PABPC4L: variants seen among roughly 807,000 people sequenced by gnomAD.
The protein encoded by PABPC4L is polyadenylate-binding protein 4-like.
For missense variants in PABPC4L, 452 were observed against 451.4 expected (o/e 1.00, Z -0.01); for synonymous variants, 169 against 164.1 (o/e 1.03, Z -0.23).
At chr4:134,062,580 A>G in the PABPC4L span, among the ~76,000 whole-genome samples, 2 of 152,182 alleles carry the variant, frequency 1.3e-5, no homozygotes, top group Admixed American at 6.6e-5. Context: ...GCAGCAGAGA[A>G]ACATATCCCA....
the PABPC4L span, among the ~76,000 whole-genome samples, chr4:134,012,828 T>C: frequency 6.6e-6 from 1 of 152,144 alleles, no homozygotes; most frequent in African/African-American, 2.4e-5. Context: ...AACCTCTTTC[T>C]CCTTTCAGTC....
chr4:134,174,540 T>G, the PABPC4L span, among the ~76,000 whole-genome samples: 1 of 152,128 alleles, frequency 6.6e-6, no homozygotes, highest in Non-Finnish European at 1.5e-5. Flanking sequence ...GATAGTAATT[T>G]TTCAGCTTTA....
chr4:134,015,005 C>T, the PABPC4L span, among the ~76,000 whole-genome samples: 1 of 152,074 alleles, frequency 6.6e-6, no homozygotes, highest in Non-Finnish European at 1.5e-5. Context: ...CACCCTTCTT[C>T]CCAATCCAAA....
the PABPC4L span, among the ~76,000 whole-genome samples, chr4:134,029,826 C>G: frequency 6.6e-6 from 1 of 151,758 alleles, no homozygotes; most frequent in East Asian, 1.9e-4. Context: ...CAAATTTCAT[C>G]TTGAATTGTA....
chr4:134,119,152 G>A, the PABPC4L span, among the ~76,000 whole-genome samples: 515 of 151,638 alleles, frequency 3.4e-3, 5 homozygotes, highest in African/African-American at 0.012. Context: ...ATAACCACAT[G>A]CAAGATGTTA....
chr4:134,153,817 T>A, the PABPC4L span, among the ~76,000 whole-genome samples: 5 of 145,886 alleles, frequency 3.4e-5, no homozygotes, highest in African/African-American at 1.0e-4. Flanking sequence ...CTAGTTTTTT[T>A]TTTTTTTTTT....
At chr4:133,992,895 G>T in the PABPC4L span, among the ~76,000 whole-genome samples, 24 of 152,086 alleles carry the variant, frequency 1.6e-4, no homozygotes, top group African/African-American at 5.6e-4. Context: ...AAGCCACATT[G>T]TCTGGGACTG....
the PABPC4L span, among the ~76,000 whole-genome samples, chr4:134,189,596 A>T: frequency 6.6e-6 from 1 of 152,026 alleles, no homozygotes; most frequent in East Asian, 1.9e-4. Flanking sequence ...CTTTTTACAC[A>T]CACATGGTAA....
the PABPC4L span, among the ~76,000 whole-genome samples, chr4:134,126,418 A>G: frequency 6.6e-6 from 1 of 152,110 alleles, no homozygotes; most frequent in Non-Finnish European, 1.5e-5. Flanking sequence ...ATGACTTATC[A>G]GAGTCTCCAG....
the PABPC4L span, among the ~76,000 whole-genome samples, chr4:134,037,787 C>T: frequency 2.0e-5 from 3 of 152,074 alleles, no homozygotes; most frequent in Non-Finnish European, 4.4e-5. Flanking sequence ...ATTTGACTTC[C>T]TCTTTTCCTA....
chr4:134,165,807 G>T, the PABPC4L span, among the ~76,000 whole-genome samples: 1 of 152,056 alleles, frequency 6.6e-6, no homozygotes, highest in African/African-American at 2.4e-5. Flanking sequence ...AAGAAAAGAA[G>T]TCATTGTATC....
At chr4:134,118,105 G>T in the PABPC4L span, among the ~76,000 whole-genome samples, 2 of 151,778 alleles carry the variant, frequency 1.3e-5, no homozygotes, top group African/African-American at 2.4e-5. Context: ...GGACCATGCT[G>T]CTTTCTCTGC....
the PABPC4L span, among the ~76,000 whole-genome samples, chr4:134,143,790 C>A: frequency 6.6e-6 from 1 of 151,236 alleles, no homozygotes; most frequent in Non-Finnish European, 1.5e-5. Context: ...TTTAAAGTAA[C>A]TTTAGTTACT....
chr4:134,161,069 G>C, the PABPC4L span, among the ~76,000 whole-genome samples: 1 of 151,876 alleles, frequency 6.6e-6, no homozygotes, highest in African/African-American at 2.4e-5. Flanking sequence ...AATTCTTTCA[G>C]AGAAACTTAA....
chr4:133,953,420 G>A, the PABPC4L span, among the ~76,000 whole-genome samples: 9 of 152,046 alleles, frequency 5.9e-5, no homozygotes, highest in East Asian at 1.9e-4. Flanking sequence ...TTCTCATTCC[G>A]TCTATCAATC....
the PABPC4L span, among the ~76,000 whole-genome samples, chr4:134,031,360 G>A: frequency 2.6e-5 from 4 of 151,772 alleles, no homozygotes; most frequent in Non-Finnish European, 4.4e-5. Context: ...TCTCTTTTAA[G>A]ATCTGTTTCT....
the PABPC4L span, among the ~76,000 whole-genome samples, chr4:134,114,880 T>C: frequency 1.8e-4 from 28 of 152,034 alleles, no homozygotes; most frequent in African/African-American, 6.7e-4. Context: ...ACAAATAATA[T>C]CCATCCTTTT....
At chr4:134,141,128 C>T in the PABPC4L span, among the ~76,000 whole-genome samples, 1 of 151,482 alleles carries the variant, frequency 6.6e-6, no homozygotes, top group East Asian at 1.9e-4. Context: ...ACAATCAGTA[C>T]AAAATAACCC....
chr4:134,041,729 C>T, the PABPC4L span, among the ~76,000 whole-genome samples: 14 of 151,924 alleles, frequency 9.2e-5, no homozygotes, highest in Non-Finnish European at 1.6e-4. Flanking sequence ...AAAAAGATAC[C>T]ACTTTGCCCA....
Sources: gnomAD v4.1 joint callset for allele counts (sites outside exome capture counted in the v4.1 genomes callset) on GRCh38, gnomAD v4.1.1 for gene constraint, MANE v1.5 for transcripts, NCBI Gene and HGNC (gene_info 2026-07-23, HGNC 2026-07-21) for gene names.